MNAT1: variants seen among roughly 807,000 people sequenced by gnomAD.
The protein encoded by MNAT1 is CDK-activating kinase assembly factor MAT1.
MNAT1 carries 43 observed loss-of-function variants against 42.0 expected under a neutral mutation model. That is an observed-to-expected ratio of 1.02 (90% CI 0.80 to 1.32). The LOEUF is 1.32. Among genes scored for constraint, MNAT1 ranks in the 40% most tolerant of loss-of-function variants. MNAT1 has a pLI of 0.00. For missense variants in MNAT1, 306 were observed against 350.4 expected, an observed-to-expected ratio of 0.87 and a Z score of 1.01; for synonymous variants, 118 against 120.0, an observed-to-expected ratio of 0.98 and a Z score of 0.11.
At chr14:60,738,602 G>A (rs533758214) in intron 1 of MNAT1, among the ~76,000 whole-genome samples, 71 of 151,730 alleles carry the variant, frequency 4.7e-4, no homozygotes, top group Admixed American at 2.4e-3. Context: ...GCAATGGCGT[G>A]ATAGCTCACC....
intron 6 of MNAT1, among the ~76,000 whole-genome samples, chr14:60,872,890 T>C (rs1030019461): frequency 1.5e-4 from 22 of 151,368 alleles, no homozygotes; most frequent in African/African-American, 3.9e-4. Flanking sequence ...GCACTTTTTT[T>C]CCCCTGAACC....
intron 6 of MNAT1, among the ~76,000 whole-genome samples, chr14:60,826,916 T>G (rs1302716270): frequency 1.3e-5 from 2 of 152,096 alleles, no homozygotes; most frequent in Admixed American, 6.6e-5. Context: ...ATAATTTGTG[T>G]CAATAAATAT....
At chr14:60,762,341 G>A (rs2030635320) in intron 1 of MNAT1, among the ~76,000 whole-genome samples, 1 of 152,088 alleles carries the variant, frequency 6.6e-6, no homozygotes, top group South Asian at 2.1e-4. Flanking sequence ...TGGATTATAG[G>A]TGGTTTCAAA....
At chr14:60,887,693 A>T (rs964351154) in intron 7 of MNAT1, among the ~76,000 whole-genome samples, 4 of 152,000 alleles carry the variant, frequency 2.6e-5, no homozygotes, top group African/African-American at 9.7e-5. Context: ...AAATTGATAG[A>T]CCGCTAGCAA....
At chr14:60,866,416 A>G (rs894409922) in intron 6 of MNAT1, among the ~76,000 whole-genome samples, 3 of 150,418 alleles carry the variant, frequency 2.0e-5, no homozygotes, top group African/African-American at 7.3e-5. Context: ...GGACCCTTCT[A>G]GGTAACACTT....
intron 6 of MNAT1, among the ~76,000 whole-genome samples, chr14:60,835,382 T>A (rs1479744286): frequency 6.6e-6 from 1 of 152,160 alleles, no homozygotes; most frequent in Non-Finnish European, 1.5e-5. Context: ...CCTGTACCAG[T>A]GTTTTCTTTC....
chr14:60,798,601 G>A (rs965022663), intron 3 of MNAT1, among the ~76,000 whole-genome samples: 2 of 152,158 alleles, frequency 1.3e-5, no homozygotes, highest in Non-Finnish European at 2.9e-5. Context: ...TGAAGCAGTT[G>A]ACTGTTGAAG....
intron 1 of MNAT1, among the ~76,000 whole-genome samples, chr14:60,790,250 A>G (rs2031776129): frequency 6.6e-6 from 1 of 152,178 alleles, no homozygotes; most frequent in Non-Finnish European, 1.5e-5. Flanking sequence ...TGGGACCCCC[A>G]AAATCACTAA....
intron 7 of MNAT1, among the ~76,000 whole-genome samples, chr14:60,895,534 T>C (rs1594844305): frequency 6.6e-6 from 1 of 152,266 alleles, no homozygotes; most frequent in African/African-American, 2.4e-5. Flanking sequence ...TAGCCTCTAG[T>C]GCTCTCTCCT....
chr14:60,904,173 A>G (rs1225372219), intron 7 of MNAT1, among the ~76,000 whole-genome samples: 1 of 152,174 alleles, frequency 6.6e-6, no homozygotes. Context: ...GCCCGACCTT[A>G]AGTTTATATG....
At chr14:60,760,487 T>G (rs1404719984) in intron 1 of MNAT1, among the ~76,000 whole-genome samples, 1 of 152,218 alleles carries the variant, frequency 6.6e-6, no homozygotes, top group African/African-American at 2.4e-5. Context: ...TATTTGTGTT[T>G]AGCAGCAAGT....
At chr14:60,744,823 A>G (rs903171978) in intron 1 of MNAT1, among the ~76,000 whole-genome samples, 2 of 152,156 alleles carry the variant, frequency 1.3e-5, no homozygotes, top group African/African-American at 4.8e-5. Flanking sequence ...GGCATTTTTG[A>G]TATCTCAGCT....
chr14:60,767,759 C>T (rs773543900), intron 1 of MNAT1, among the ~76,000 whole-genome samples: 1 of 96,346 alleles, frequency 1.0e-5, no homozygotes. Flanking sequence ...TGCCACCACA[C>T]TTGGCTATTT....
intron 7 of MNAT1, among the ~76,000 whole-genome samples, chr14:60,887,438 G>A (rs2034705434): frequency 7.8e-6 from 1 of 127,414 alleles, no homozygotes; most frequent in Non-Finnish European, 1.6e-5. Context: ...CCCTTCCTGT[G>A]TCCATGTGTT....
intron 7 of MNAT1, among the ~76,000 whole-genome samples, chr14:60,907,150 A>G (rs751583724): frequency 8.5e-5 from 13 of 152,206 alleles, no homozygotes; most frequent in Non-Finnish European, 1.8e-4. Flanking sequence ...GATTATAAAG[A>G]TGAAGAAACA....
At chr14:60,952,047 C>T (rs764143901) in intron 7 of MNAT1, among the ~76,000 whole-genome samples, 12 of 152,136 alleles carry the variant, frequency 7.9e-5, no homozygotes, top group Non-Finnish European at 1.3e-4. Context: ...TTCCTAGGAG[C>T]TGTTTCATAG....
At chr14:60,903,735 T>G (rs767859695) in intron 7 of MNAT1, among the ~76,000 whole-genome samples, 15 of 152,202 alleles carry the variant, frequency 9.9e-5, no homozygotes, top group Non-Finnish European at 1.9e-4. Context: ...TGTATACTGC[T>G]TTTTGGTCAT....
chr14:60,794,209 T>G (rs112974723), intron 1 of MNAT1, among the ~76,000 whole-genome samples: 2 of 152,268 alleles, frequency 1.3e-5, no homozygotes, highest in African/African-American at 4.8e-5. Flanking sequence ...GTTTTCACCT[T>G]CCATGGATGG....
intron 7 of MNAT1, among the ~76,000 whole-genome samples, chr14:60,913,719 A>G (rs1478811084): frequency 2.0e-5 from 3 of 152,050 alleles, no homozygotes; most frequent in Admixed American, 6.5e-5. Context: ...CAGCCGTGTG[A>G]GGTGTCAGTC....
Sources: allele counts gnomAD v4.1 joint callset (sites outside exome capture counted in the v4.1 genomes callset), GRCh38; gene constraint gnomAD v4.1.1; transcripts MANE v1.5; gene names NCBI Gene and HGNC (gene_info 2026-07-23, HGNC 2026-07-21).